Variants in BMPR2 observed in about 807,000 individuals in gnomAD.
The protein encoded by BMPR2 is bone morphogenetic protein receptor type-2.
A neutral mutation model predicts 100.8 loss-of-function variants in BMPR2; 29 were observed. The observed-to-expected ratio is 0.29, with a 90% confidence interval of 0.21 to 0.39. The LOEUF (loss-of-function observed/expected upper bound fraction) is 0.39, where lower values mean the gene tolerates loss of function less well. Among genes scored for constraint, BMPR2 ranks in the 10% least tolerant of loss-of-function variants. The probability of loss-of-function intolerance (pLI) is 1.00; values close to 1 mark genes in which losing one functional copy is unlikely to be tolerated. For synonymous variants in BMPR2, 382 were observed against 442.3 expected (o/e 0.86, Z 1.71); for missense variants, 1,011 against 1,274.5 (o/e 0.79, Z 3.15).
intron 10 of BMPR2, among the ~76,000 whole-genome samples, chr2:202,550,834 C>A (rs1048811558): frequency 1.3e-5 from 2 of 151,290 alleles, no homozygotes; most frequent in Non-Finnish European, 2.9e-5. Context: ...AGTTACAAAC[C>A]AAAAATATAA....
intron 8 of BMPR2, among the ~76,000 whole-genome samples, chr2:202,531,930 ATTTTTTTTTTTTTTTT>A: frequency 1.9e-5 from 1 of 52,294 alleles, no homozygotes; most frequent in East Asian, 6.9e-4. Context: ...GCCCAGCTGT[ATTTTTTTTTTTTTTTT>A]TTTTTTTTTT....
At chr2:202,535,155 G>T (rs1427326927) in intron 9 of BMPR2, among the ~76,000 whole-genome samples, 1 of 142,274 alleles carries the variant, frequency 7.0e-6, no homozygotes, top group Non-Finnish European at 1.5e-5. Flanking sequence ...CCTCCCTCCC[G>T]GATGGGGCGG....
At chr2:202,437,032 G>C (rs1398290039) in intron 1 of BMPR2, among the ~76,000 whole-genome samples, 2 of 149,998 alleles carry the variant, frequency 1.3e-5, no homozygotes. Context: ...TTTTGAGATG[G>C]AGTCTCGCTT....
chr2:202,545,664 T>A (rs895941076), intron 10 of BMPR2, among the ~76,000 whole-genome samples: 13 of 152,240 alleles, frequency 8.5e-5, no homozygotes, highest in African/African-American at 3.1e-4. Flanking sequence ...AGATTTAGAA[T>A]GAGCACTGTC....
intron 1 of BMPR2, among the ~76,000 whole-genome samples, chr2:202,400,782 T>C (rs1690755821): frequency 6.6e-6 from 1 of 152,222 alleles, no homozygotes; most frequent in African/African-American, 2.4e-5. Context: ...AGAAATACAC[T>C]TAATTTTTAA....
At chr2:202,520,016 C>T in intron 6 of BMPR2, 71 bp from the exon 7 acceptor site, 2 of 944,306 alleles carry the variant, frequency 2.1e-6, no homozygotes, top group South Asian at 2.8e-5. Flanking sequence ...TATAAGGATG[C>T]TAATTTACTC....
chr2:202,454,879 G>C (rs1451183056), intron 1 of BMPR2, among the ~76,000 whole-genome samples: 1 of 152,170 alleles, frequency 6.6e-6, no homozygotes, highest in Non-Finnish European at 1.5e-5. Context: ...CACAGCTCTG[G>C]AAGCTGGGAA....
intron 3 of BMPR2, among the ~76,000 whole-genome samples, chr2:202,509,090 G>A (rs1404122172): frequency 2.6e-5 from 4 of 152,084 alleles, no homozygotes; most frequent in Admixed American, 2.6e-4. Context: ...GTATGAGAGT[G>A]ATTTTAATAA....
intron 1 of BMPR2, among the ~76,000 whole-genome samples, chr2:202,440,499 A>G (rs1330668516): frequency 1.3e-5 from 2 of 148,732 alleles, no homozygotes; most frequent in Non-Finnish European, 2.9e-5. Context: ...GGCCAGGCAG[A>G]GGGGCTCCTC....
chr2:202,478,247 G>A (rs2105971081), intron 3 of BMPR2, among the ~76,000 whole-genome samples: 1 of 152,260 alleles, frequency 6.6e-6, no homozygotes, highest in East Asian at 1.9e-4. Context: ...GAACAAGAAG[G>A]CTGTGATACA....
chr2:202,550,293 A>G (rs1263109684), intron 10 of BMPR2, among the ~76,000 whole-genome samples: 3 of 151,504 alleles, frequency 2.0e-5, no homozygotes, highest in Non-Finnish European at 4.4e-5. Context: ...GAATGGCACG[A>G]ACCCAAGAGG....
intron 3 of BMPR2, among the ~76,000 whole-genome samples, chr2:202,505,715 G>A (rs1472167644): frequency 6.6e-6 from 1 of 152,104 alleles, no homozygotes; most frequent in Non-Finnish European, 1.5e-5. Context: ...AGAAGTAAGA[G>A]CCTAGAAAAA....
intron 10 of BMPR2, among the ~76,000 whole-genome samples, chr2:202,549,865 A>G (rs1439148517): frequency 2.0e-5 from 3 of 152,154 alleles, no homozygotes; most frequent in Non-Finnish European, 4.4e-5. Flanking sequence ...ATCTTTGCCA[A>G]CATTTGGTAT....
intron 10 of BMPR2, among the ~76,000 whole-genome samples, chr2:202,545,954 A>C (rs1688367765): frequency 6.6e-6 from 1 of 152,234 alleles, no homozygotes; most frequent in South Asian, 2.1e-4. Flanking sequence ...TTATTCTAGT[A>C]AAATACAACT....
At chr2:202,386,761 ACCT>A (rs1690435924) in intron 1 of BMPR2, among the ~76,000 whole-genome samples, 1 of 151,388 alleles carries the variant, frequency 6.6e-6, no homozygotes, top group Non-Finnish European at 1.5e-5. Flanking sequence ...GCTCACTGCA[ACCT>A]CTACCTCCCG....
At chr2:202,548,689 CT>C (rs928377744) in intron 10 of BMPR2, among the ~76,000 whole-genome samples, 7 of 152,010 alleles carry the variant, frequency 4.6e-5, no homozygotes, top group East Asian at 3.9e-4. Context: ...ATCTTTTCTA[CT>C]TTTTTTTCCC....
intron 1 of BMPR2, among the ~76,000 whole-genome samples, chr2:202,380,807 C>T (rs1690267504): frequency 6.6e-6 from 1 of 151,150 alleles, no homozygotes; most frequent in South Asian, 2.1e-4. Flanking sequence ...TTAGTAGAGA[C>T]AGGGTTTCTC....
At position 202,377,328 on chromosome 2, in the gene BMPR2, C is replaced by T; in HGVS notation, c.-147C>T. 1.3e-6 allele frequency: 1 copy of T among 787,864 alleles called. No individual in the cohort carries two copies. Among genetic ancestry groups the T allele is most frequent in the East Asian group, 2.6e-5 (1 of 39,190 alleles). The allele number at this position is 787,864 out of a possible 1,614,324, so 48.8% of individuals were successfully genotyped here. A position where few individuals can be genotyped will look rare whatever the true frequency, so the allele number is the denominator to read the frequency against. On this transcript the variant is annotated 5_prime_UTR_variant, in exon 1 of 13. Transcript: ENST00000374580. ...CATGAAAGCTCTGCAGCTAGGTCCTCTCATCAGCCATTTGTCCTTTCAAAC... is the reference window on the plus strand; with the variant it reads ...CATGAAAGCTCTGCAGCTAGGTCCTTTCATCAGCCATTTGTCCTTTCAAAC...
intron 1 of BMPR2, among the ~76,000 whole-genome samples, chr2:202,422,463 T>C (rs1237384192): frequency 6.7e-6 from 1 of 148,814 alleles, no homozygotes; most frequent in Non-Finnish European, 1.5e-5. Context: ...TCCGCCACCA[T>C]GCCCGGCTAA....
Sources: allele counts gnomAD v4.1 joint callset (sites outside exome capture counted in the v4.1 genomes callset), GRCh38; gene constraint gnomAD v4.1.1; transcripts MANE v1.5; gene names NCBI Gene and HGNC (gene_info 2026-07-23, HGNC 2026-07-21).